MTA3: variants seen among roughly 807,000 people sequenced by gnomAD.
The protein encoded by MTA3 is metastasis-associated protein MTA3.
MTA3 carries 34 observed loss-of-function variants against 83.5 expected under a neutral mutation model. The ratio of observed to expected loss-of-function variants is 0.41; its 90% CI spans 0.31 to 0.54. The LOEUF (loss-of-function observed/expected upper bound fraction) is 0.54, where lower values mean the gene tolerates loss of function less well. Among genes scored for constraint, MTA3 ranks in the 20% least tolerant of loss-of-function variants. The pLI, the probability that MTA3 is intolerant of heterozygous loss-of-function variation, is 0.33. For synonymous variants in MTA3, 303 were observed against 252.7 expected (o/e 1.20, Z -1.89); for missense variants, 761 against 726.4 (o/e 1.05, Z -0.55).
intron 2 of MTA3, among the ~76,000 whole-genome samples, chr2:42,500,556 A>G (rs1230309855): frequency 6.6e-6 from 1 of 152,124 alleles, no homozygotes; most frequent in Non-Finnish European, 1.5e-5. Context: ...AACAGAAATG[A>G]GAGATACAAG....
chr2:42,520,322 G>T (rs193271902), intron 2 of MTA3, among the ~76,000 whole-genome samples: 21 of 152,160 alleles, frequency 1.4e-4, no homozygotes, highest in Admixed American at 7.9e-4. Flanking sequence ...ACATTCCACA[G>T]GCACCACAAA....
chr2:42,643,905 A>C (rs1003408487), intron 5 of MTA3, among the ~76,000 whole-genome samples: 2 of 152,194 alleles, frequency 1.3e-5, no homozygotes, highest in African/African-American at 4.8e-5. Flanking sequence ...TTTATAATCT[A>C]CTTTGTTTCA....
At chr2:42,664,931 G>A (rs771517779) in intron 8 of MTA3, among the ~76,000 whole-genome samples, 22 of 152,144 alleles carry the variant, frequency 1.4e-4, no homozygotes, top group Admixed American at 9.8e-4. Flanking sequence ...CACATCAGTA[G>A]TTCTCACATC....
intron 2 of MTA3, among the ~76,000 whole-genome samples, chr2:42,509,762 C>A (rs1674810559): frequency 6.6e-6 from 1 of 151,576 alleles, no homozygotes; most frequent in African/African-American, 2.4e-5. Flanking sequence ...CACAGTGAGA[C>A]CCTGTCGCAA....
At chr2:42,632,750 T>A (rs1221346251) in intron 4 of MTA3, among the ~76,000 whole-genome samples, 2 of 152,154 alleles carry the variant, frequency 1.3e-5, no homozygotes, top group African/African-American at 4.8e-5. Context: ...GATTAATCGA[T>A]TTTATTAAGC....
chr2:42,508,328 A>G (rs1385772359), intron 2 of MTA3, among the ~76,000 whole-genome samples: 1 of 152,068 alleles, frequency 6.6e-6, no homozygotes, highest in Non-Finnish European at 1.5e-5. Flanking sequence ...TATGAACTAT[A>G]GACTTATTTT....
rs79203598 is a variant in MTA3 at position 42,713,115 on chromosome 2, A to G, written c.1525+4019A>G. Among the ~76,000 whole-genome samples the G allele has an allele frequency of 5.7e-3, 865 of 152,352 alleles. 5 individuals carry two copies. The highest frequency in any genetic ancestry group is 0.019 in the African/African-American group (780 of 41,576). On this transcript the variant is annotated intron_variant, in intron 14 of 16. Transcript: ENST00000405094. ...AAGATGAAGCTAAAGTGCCTGGAAA[A>G]GTAAATCCGGATGATTTGCCTGGCA...
intron 2 of MTA3, among the ~76,000 whole-genome samples, chr2:42,577,483 ATT>A (rs750217309): frequency 3.5e-5 from 5 of 142,494 alleles, no homozygotes; most frequent in Admixed American, 7.0e-5. Context: ...GTTGATTTGG[ATT>A]TTTTTTTTTT....
intron 4 of MTA3, among the ~76,000 whole-genome samples, chr2:42,638,785 T>G (rs1687426928): frequency 1.3e-5 from 2 of 151,826 alleles, no homozygotes; most frequent in Admixed American, 1.3e-4. Context: ...ACACTTCCAG[T>G]AACCACGTTA....
intron 5 of MTA3, among the ~76,000 whole-genome samples, chr2:42,643,088 C>T (rs1298978174): frequency 7.5e-6 from 1 of 133,150 alleles, no homozygotes; most frequent in Non-Finnish European, 1.6e-5. Flanking sequence ...TTTTTCCTGA[C>T]AGTGAACAAT....
chr2:42,663,551 A>G (rs1689935170), intron 8 of MTA3, among the ~76,000 whole-genome samples: 1 of 152,192 alleles, frequency 6.6e-6, no homozygotes, highest in Non-Finnish European at 1.5e-5. Context: ...ACTTGAGGCC[A>G]GGAGTCTGAG....
chr2:42,580,738 G>A (rs1426997110), intron 3 of MTA3, among the ~76,000 whole-genome samples: 2 of 152,228 alleles, frequency 1.3e-5, no homozygotes, highest in South Asian at 2.1e-4. Flanking sequence ...TGGGATTACA[G>A]GCATGCACCA....
intron 9 of MTA3, among the ~76,000 whole-genome samples, chr2:42,690,376 A>C (rs985982924): frequency 7.9e-5 from 12 of 152,086 alleles, no homozygotes; most frequent in Admixed American, 6.6e-5. Flanking sequence ...TGATGTACCT[A>C]GTTTCTGATG....
intron 2 of MTA3, among the ~76,000 whole-genome samples, chr2:42,577,113 T>A (rs1490097976): frequency 0.064 from 2,580 of 40,618 alleles, 82 homozygotes; most frequent in African/African-American, 0.14. Flanking sequence ...AAAATATATA[T>A]ATATATATAT....
intron 16 of MTA3, chr2:42,752,454 TA>T (rs1669948727): frequency 2.8e-6 from 1 of 354,630 alleles, no homozygotes; most frequent in Non-Finnish European, 5.6e-6. Flanking sequence ...CACAACTTTC[TA>T]ATACAACACG....
At chr2:42,740,658 A>G (rs1305133876) in intron 16 of MTA3, among the ~76,000 whole-genome samples, 2 of 152,258 alleles carry the variant, frequency 1.3e-5, no homozygotes, top group African/African-American at 2.4e-5. Context: ...GACCAAGTGC[A>G]TTGTTAATGA....
chr2:42,501,475 A>G (rs559873537), intron 2 of MTA3, among the ~76,000 whole-genome samples: 2 of 152,312 alleles, frequency 1.3e-5, no homozygotes, highest in East Asian at 3.9e-4. Context: ...TATGGCATGG[A>G]GGCCATTATT....
In MTA3 at chr2:42,756,665, T is replaced by TG. The variant is rs1670258869; in HGVS notation, c.*3267dup. 1 of 985,372 alleles carries TG rather than the reference T, an allele frequency of 1.0e-6. No individual in the cohort carries two copies. The highest frequency in any genetic ancestry group is 1.2e-6 in the Non-Finnish European group (1 of 829,958). The allele number at this position is 985,372 out of a possible 1,614,324, so 61.0% of individuals were successfully genotyped here. ...AGCCTTTATTCTTTACTGTTGTCCC[T>TG]GTTTTCCTTTGGGGGAATTTACTCA... On this transcript the variant is annotated 3_prime_UTR_variant, in exon 17 of 17. Transcript: ENST00000405094.
intron 3 of MTA3, among the ~76,000 whole-genome samples, chr2:42,596,692 A>G (rs1297279447): frequency 6.6e-6 from 1 of 152,180 alleles, no homozygotes; most frequent in African/African-American, 2.4e-5. Flanking sequence ...CATTCCAGCA[A>G]TTAGATATTC....
Sources: gnomAD v4.1 joint callset for allele counts (sites outside exome capture counted in the v4.1 genomes callset) on GRCh38, gnomAD v4.1.1 for gene constraint, MANE v1.5 for transcripts, NCBI Gene and HGNC (gene_info 2026-07-23, HGNC 2026-07-21) for gene names.